The following TYW1B variants were observed in gnomAD, a reference collection of about 807,000 sequenced individuals.
TYW1B encodes S-adenosyl-L-methionine-dependent tRNA 4-demethylwyosine synthase TYW1B.
A neutral mutation model predicts 86.9 loss-of-function variants in TYW1B; 73 were observed. The observed-to-expected ratio is 0.84, with a 90% CI of 0.70 to 1.02. The LOEUF is 1.02. Ranked by LOEUF, TYW1B falls within the 50% of genes least tolerant of loss-of-function variation. The pLI is 0.00. For missense variants in TYW1B, 637 were observed against 827.4 expected (o/e 0.77, Z 2.82); for synonymous variants, 248 against 292.8 (o/e 0.85, Z 1.56).
chr7:72,685,276 T>C (rs1487217862), intron 11 of TYW1B, among the ~76,000 whole-genome samples: 1 of 150,882 alleles, frequency 6.6e-6, no homozygotes, highest in African/African-American at 2.4e-5. Context: ...ATGATTAATA[T>C]GCTAAGAAAG....
intron 11 of TYW1B, among the ~76,000 whole-genome samples, chr7:72,669,411 T>A (rs1261860821): frequency 6.6e-6 from 1 of 151,830 alleles, no homozygotes; most frequent in Non-Finnish European, 1.5e-5. Flanking sequence ...CTCCCAAAAA[T>A]GTTGGGATTA....
intron 10 of TYW1B, among the ~76,000 whole-genome samples, chr7:72,708,587 A>G (rs1314661323): frequency 2.0e-5 from 3 of 152,216 alleles, no homozygotes; most frequent in African/African-American, 7.2e-5. Context: ...GAAACTTCCA[A>G]AATACATGGC....
At chr7:72,717,917 A>G in intron 9 of TYW1B, among the ~76,000 whole-genome samples, 1 of 152,194 alleles carries the variant, frequency 6.6e-6, no homozygotes, top group Non-Finnish European at 1.5e-5. Context: ...GAGATTTCTC[A>G]AAGAACTAAA....
chr7:72,809,936 G>A (rs2129572675), intron 4 of TYW1B, among the ~76,000 whole-genome samples: 1 of 149,464 alleles, frequency 6.7e-6, no homozygotes, highest in East Asian at 2.0e-4. Flanking sequence ...GGAGGCGGAG[G>A]TTGCAGTCAG....
intron 11 of TYW1B, among the ~76,000 whole-genome samples, chr7:72,639,142 A>T (rs1309123871): frequency 6.6e-6 from 1 of 152,146 alleles, no homozygotes; most frequent in Non-Finnish European, 1.5e-5. Context: ...TTCTTTTGGA[A>T]ACTATCAGAG....
At chr7:72,772,085 G>C (rs1554469755) in intron 7 of TYW1B, among the ~76,000 whole-genome samples, 1 of 151,710 alleles carries the variant, frequency 6.6e-6, no homozygotes, top group Non-Finnish European at 1.5e-5. Context: ...CTGTCCTCAA[G>C]TGATCCATCT....
At chr7:72,707,386 A>G (rs1294772382) in intron 10 of TYW1B, among the ~76,000 whole-genome samples, 1 of 152,258 alleles carries the variant, frequency 6.6e-6, no homozygotes, top group Non-Finnish European at 1.5e-5. Context: ...CAAGACCAAA[A>G]GACTTCCAGG....
At chr7:72,814,899 T>C (rs1463674816) in intron 3 of TYW1B, among the ~76,000 whole-genome samples, 2 of 137,680 alleles carry the variant, frequency 1.5e-5, no homozygotes, top group Non-Finnish European at 3.1e-5. Context: ...ACCTCAACTC[T>C]AGCAAAAAAA....
At chr7:72,794,001 C>G (rs1434267573) in intron 6 of TYW1B, among the ~76,000 whole-genome samples, 2 of 152,170 alleles carry the variant, frequency 1.3e-5, no homozygotes, top group Non-Finnish European at 2.9e-5. Flanking sequence ...CAGAGGATTA[C>G]AGATTGACGT....
chr7:72,631,852 T>C (rs185322874), intron 11 of TYW1B, among the ~76,000 whole-genome samples: 1 of 152,262 alleles, frequency 6.6e-6, no homozygotes, highest in East Asian at 1.9e-4. Flanking sequence ...ACCTCTCTGT[T>C]CTTAGTTTCT....
intron 12 of TYW1B, among the ~76,000 whole-genome samples, chr7:72,626,615 G>A (rs192829145): frequency 3.3e-5 from 5 of 152,168 alleles, no homozygotes; most frequent in Admixed American, 2.0e-4. Flanking sequence ...CGCCATCCAC[G>A]CAATGGCTTA....
chr7:72,663,849 A>AT (rs1234074899), intron 11 of TYW1B, among the ~76,000 whole-genome samples: 10 of 147,418 alleles, frequency 6.8e-5, no homozygotes, highest in South Asian at 2.2e-4. Flanking sequence ...ACTCATGTTA[A>AT]TTTTTTTTTT....
chr7:72,820,953 A>G (rs1158138583), intron 2 of TYW1B, among the ~76,000 whole-genome samples: 5 of 152,172 alleles, frequency 3.3e-5, no homozygotes, highest in African/African-American at 7.2e-5. Context: ...CGGAAGACAA[A>G]GAATTCGCAC....
chr7:72,628,552 T>C (rs1812408606), intron 12 of TYW1B, among the ~76,000 whole-genome samples: 2 of 152,318 alleles, frequency 1.3e-5, no homozygotes, highest in South Asian at 4.1e-4. Context: ...TAAAGGTTTA[T>C]GTAAAAGTCA....
In TYW1B at chr7:72,810,494, C is replaced by A; in HGVS notation, c.409G>T (p.Ala137Ser). 1 of 1,613,336 alleles carries A rather than the reference C, an allele frequency of 6.2e-7. No individual in the cohort carries two copies. The highest frequency in any genetic ancestry group is 1.1e-5 in the South Asian group (1 of 90,956). The change falls in exon 4 of 14, where the codon GCC becomes TCC. Residue 137 changes from alanine to serine, a missense_variant. Transcript: ENST00000620995. ...RDAVFGLGNSAYASHFNKVGK... is the reference protein window; with the variant it reads ...RDAVFGLGNSSYASHFNKVGK... ...ACCTTGTTGAAGTGGCTAGCATAGG[C>A]AGAATTTCCCAGGCCAAATACCGCA...
At chr7:72,669,780 T>A (rs1258673102) in intron 11 of TYW1B, among the ~76,000 whole-genome samples, 9 of 150,866 alleles carry the variant, frequency 6.0e-5, no homozygotes, top group East Asian at 2.0e-4. Flanking sequence ...GGAAAAAAAA[T>A]AATAATAAAT....
At chr7:72,784,249 C>T (rs1788092698) in intron 6 of TYW1B, among the ~76,000 whole-genome samples, 1 of 152,082 alleles carries the variant, frequency 6.6e-6, no homozygotes, top group African/African-American at 2.4e-5. Context: ...ACTCATGGTT[C>T]TCTAAACACT....
At chr7:72,803,844 C>A in intron 5 of TYW1B, among the ~76,000 whole-genome samples, 1 of 151,814 alleles carries the variant, frequency 6.6e-6, no homozygotes, top group Non-Finnish European at 1.5e-5. Context: ...AGACTCCTGA[C>A]CTCAGGTGAT....
chr7:72,768,659 C>A (rs35471569), intron 7 of TYW1B: 1 of 152,652 alleles, frequency 6.6e-6, no homozygotes, highest in Non-Finnish European at 1.5e-5. Flanking sequence ...TGGTGGCGGG[C>A]GCCTGTAGTC....
Sources: gnomAD v4.1 joint callset for allele counts (sites outside exome capture counted in the v4.1 genomes callset) on GRCh38, gnomAD v4.1.1 for gene constraint, MANE v1.5 for transcripts, NCBI Gene and HGNC (gene_info 2026-07-23, HGNC 2026-07-21) for gene names.